The following PIK3R4 variants were observed in gnomAD, a reference collection of about 807,000 sequenced individuals.
PIK3R4 encodes the protein phosphoinositide 3-kinase regulatory subunit 4.
PIK3R4 carries 46 observed loss-of-function variants against 136.5 expected under a neutral mutation model. The ratio of observed to expected loss-of-function variants is 0.34; its 90% CI spans 0.27 to 0.43. PIK3R4 has a LOEUF of 0.43. Ranked by LOEUF, PIK3R4 falls within the 20% of genes least tolerant of loss-of-function variation. PIK3R4 has a pLI of 1.00. For synonymous variants in PIK3R4, 557 were observed against 566.7 expected (o/e 0.98, Z 0.24); for missense variants, 1,331 against 1,649.5 (o/e 0.81, Z 3.35).
rs147350320 is a variant in PIK3R4, at chr3:130,690,650, T to G, written c.3103A>C (p.Ile1035Leu). 28 of 1,585,388 alleles carry G rather than the reference T, an allele frequency of 1.8e-5. No homozygotes were observed. Among genetic ancestry groups the G allele is most frequent in the Non-Finnish European group, 8.6e-7 (1 of 1,161,870 alleles). Residue 1035 changes from isoleucine (I) to leucine (L), a missense_variant, in exon 14 of 20, where the codon ATT becomes CTT. Around this residue, in one of 2 missense-constraint regions of PIK3R4, gnomAD observed 1,180 missense variants for 1,407.0 expected, o/e 0.84. Coordinates refer to ENST00000356763, the MANE Select transcript of PIK3R4 (RefSeq NM_014602.3). ...MEGKTTTTRS[I>L]LTYSRIGGRV... is the part of the protein sequence containing the mutation. ...CCTCCAATTCGGCTGTATGTAAGAA[T>G]AGATCTGAATGAAAGAAAAATAAAA...
rs2107607175 is a variant in PIK3R4 at position 130,703,854 on chromosome 3, A to T, written c.2967T>A (p.Leu989=). 6.2e-7 allele frequency: 1 copy of T among 1,612,628 alleles called. No individual in the cohort carries two copies. The highest frequency in any genetic ancestry group is 2.2e-5 in the East Asian group (1 of 44,826). ...WRPKGLLVAH[L]HEHKSAVNRI... is the part of the protein sequence containing the mutation. ...GATTCACAGCAGATTTATGCTCATG[A>T]AGATGGGCAACTAACAGCCCTTTAG... Residue 989 remains leucine (L), a synonymous_variant, in exon 13 of 20, where the codon CTT becomes CTA. Coordinates refer to ENST00000356763, the MANE Select transcript of PIK3R4 (RefSeq NM_014602.3).
rs116828977 is a variant in PIK3R4 at position 130,704,378 on chromosome 3, A to G, written c.2933-490T>C. Among the ~76,000 whole-genome samples, 130 of 152,330 alleles carry G rather than the reference A, an allele frequency of 8.5e-4. 1 individual carries two copies. Among genetic ancestry groups the G allele is most frequent in the Non-Finnish European group, 1.6e-3 (109 of 68,018 alleles). On this transcript the variant is annotated intron_variant, in intron 12 of 19. Coordinates refer to ENST00000356763, the MANE Select transcript of PIK3R4 (RefSeq NM_014602.3). The stretch of plus-strand genomic sequence containing the variant: ...TATCACAAAAACCGTTTGAACATTA[A>G]ACAATTCCAAAATATTTATTTTGAT...
chr3:130,719,512 T>C (rs1047023805), intron 7 of PIK3R4, among the ~76,000 whole-genome samples: 1 of 152,186 alleles, frequency 6.6e-6, no homozygotes, highest in Non-Finnish European at 1.5e-5. Context: ...ATTCTTCTAA[T>C]TATAAATGAA....
chr3:130,704,903 T>C (rs950873810), intron 12 of PIK3R4, among the ~76,000 whole-genome samples: 1 of 152,174 alleles, frequency 6.6e-6, no homozygotes, highest in Non-Finnish European at 1.5e-5. Context: ...TAATCTCAGC[T>C]CACTGCAACC....
chr3:130,719,289 T>C lies in PIK3R4; in HGVS notation c.1982-755A>G, dbSNP rs549861218. On this transcript the variant is annotated intron_variant, in intron 7 of 19. Transcript: ENST00000356763. ...TGATTTAGAATAAAATCCAAACTTT[T>C]AAAGGCAAGAAAAATTGTATTAGCT... Among the ~76,000 whole-genome samples, 5 of 152,272 alleles carry C rather than the reference T, an allele frequency of 3.3e-5. No homozygotes were observed. In the East Asian group the frequency reaches 9.6e-4, roughly 29 times the overall value.
chr3:130,718,441 T>C lies in PIK3R4; in HGVS notation c.2075A>G (p.Tyr692Cys), dbSNP rs764560178. 6.2e-7 allele frequency: 1 copy of C among 1,612,990 alleles called. No individual in the cohort carries two copies. Among genetic ancestry groups the C allele is most frequent in the East Asian group, 2.2e-5 (1 of 44,866 alleles). Residue 692 changes from tyrosine (Y) to cysteine (C), a missense_variant, in exon 8 of 20, where the codon TAC becomes TGC. Tyr to Cys is a radical substitution (Grantham distance 194). Coordinates refer to ENST00000356763, the MANE Select transcript of PIK3R4 (RefSeq NM_014602.3). Reference sequence around the variant, plus strand: ...GTCAAGATAAGGCATCAGTTTACAGTAGACATCAGCTGTACTTATTTGACG... The same window carrying C: ...GTCAAGATAAGGCATCAGTTTACAGCAGACATCAGCTGTACTTATTTGACG... ...VARQISTADV[Y>C]CKLMPYLDPY...
chr3:130,736,366 C>T (rs765515954), intron 2 of PIK3R4, among the ~76,000 whole-genome samples: 2 of 152,068 alleles, frequency 1.3e-5, no homozygotes, highest in Admixed American at 6.6e-5. Context: ...GTCAGGAGTT[C>T]GAGACCAGCC....
intron 6 of PIK3R4, among the ~76,000 whole-genome samples, chr3:130,724,370 A>T (rs748507112): frequency 4.6e-5 from 7 of 152,176 alleles, no homozygotes; most frequent in Non-Finnish European, 8.8e-5. Context: ...TGCTATAAAC[A>T]TACTCAAATG....
At chr3:130,690,434 T>G in intron 14 of PIK3R4, 56 bp downstream of exon 14, 2 of 1,236,712 alleles carry the variant, frequency 1.6e-6, no homozygotes, top group Non-Finnish European at 2.2e-6. Flanking sequence ...GAAAGGAGAC[T>G]TAAGGTACTG....
At position 130,716,437 on chromosome 3, in the gene PIK3R4, C is replaced by T. The variant is rs2066665078; in HGVS notation, c.2290G>A (p.Asp764Asn). 6 of 1,614,078 alleles carry T rather than the reference C, an allele frequency of 3.7e-6. No homozygotes were observed. The highest frequency in any genetic ancestry group is 5.1e-6 in the Non-Finnish European group (6 of 1,180,034). ...TTCAGAAGCTGTGCTATGGCAGGAT[C>T]CTCTGGCGGAGGGCAGTCGGGAAGA... ...GSLPDCPPPE[D>N]PAIAQLLKKL... Residue 764 changes from aspartate to asparagine, a missense_variant, in exon 9 of 20, where the codon GAT becomes AAT. Asp to Asn is a conservative substitution (Grantham distance 23). Coordinates refer to ENST00000356763, the MANE Select transcript of PIK3R4 (RefSeq NM_014602.3).
Position 130,679,160 on chromosome 3 carries a change from C to A in PIK3R4, c.*155G>T, listed in dbSNP as rs1366668721. 3 of 423,394 alleles carry A rather than the reference C, an allele frequency of 7.1e-6. No individual in the cohort carries two copies. Among genetic ancestry groups the A allele is most frequent in the East Asian group, 3.7e-5 (1 of 27,104 alleles). 26.2% of individuals were successfully genotyped at this position (423,394 alleles called of 1,614,324 possible). A position where few individuals can be genotyped will look rare whatever the true frequency, so the allele number is the denominator to read the frequency against. On this transcript the variant is annotated 3_prime_UTR_variant, in exon 20 of 20. Coordinates refer to ENST00000356763, the MANE Select transcript of PIK3R4 (RefSeq NM_014602.3). ...AGTAAACTAGTCAAGTACATCTTAA[C>A]CATTTTGGGTGTCATTTAGTCAGTC...
intron 15 of PIK3R4, among the ~76,000 whole-genome samples, chr3:130,684,917 CA>C (rs1036659813): frequency 1.3e-5 from 2 of 151,066 alleles, no homozygotes; most frequent in East Asian, 1.9e-4. Flanking sequence ...ACACAAAAGG[CA>C]AAAAAAATGC....
rs370500216 is a variant in PIK3R4, at chr3:130,708,385, A to G, written c.2439T>C (p.Ser813=). The G allele has an allele frequency of 6.2e-6, 10 of 1,613,638 alleles. No individual in the cohort carries two copies. The South Asian group carries it at 7.7e-5, about 12-fold the overall frequency. ...NIVDQSHLHD[S]SQKGVIDLAA... ...CCAAGTCAATTACACCTTTCTGACTACTATCATGAAGATGGCTCTGGTCCA... is the reference window on the plus strand; with the variant it reads ...CCAAGTCAATTACACCTTTCTGACTGCTATCATGAAGATGGCTCTGGTCCA... The change falls in exon 10 of 20, where the codon AGT becomes AGC. Residue 813 remains serine (S), a synonymous_variant. Transcript: ENST00000356763.
At chr3:130,682,023 G>A (rs2066461749) in intron 16 of PIK3R4, among the ~76,000 whole-genome samples, 1 of 152,162 alleles carries the variant, frequency 6.6e-6, no homozygotes, top group Admixed American at 6.5e-5. Flanking sequence ...TGACCTGAAT[G>A]AACCACATCA....
At chr3:130,682,827 G>T (rs62280689) in intron 16 of PIK3R4, among the ~76,000 whole-genome samples, 2 of 152,218 alleles carry the variant, frequency 1.3e-5, no homozygotes, top group Admixed American at 6.5e-5. Context: ...AGAATTGTAG[G>T]TGATAAGGGT....
At chr3:130,701,812 G>C (rs2066576463) in intron 13 of PIK3R4, among the ~76,000 whole-genome samples, 1 of 151,926 alleles carries the variant, frequency 6.6e-6, no homozygotes, top group Non-Finnish European at 1.5e-5. Flanking sequence ...GGCACATACT[G>C]ATGTCTGTAT....
At chr3:130,735,802 G>T (rs2066782778) in intron 3 of PIK3R4, 67 bp downstream of exon 3, 4 of 1,418,912 alleles carry the variant, frequency 2.8e-6, no homozygotes, top group Non-Finnish European at 3.8e-6. Flanking sequence ...CCAGAAATCT[G>T]ATTAAAGCAA....
At chr3:130,735,809 G>A (rs2066782820) in intron 3 of PIK3R4, 60 bp downstream of exon 3, 6 of 1,469,022 alleles carry the variant, frequency 4.1e-6, no homozygotes, top group Non-Finnish European at 3.7e-6. Context: ...TCTGATTAAA[G>A]CAAAAGTGGG....
rs1201626179 is a variant in PIK3R4, at chr3:130,679,084, A to G, written c.*231T>C. 3.4e-6 allele frequency: 1 copy of G among 295,356 alleles called. No homozygotes were observed. The highest frequency in any genetic ancestry group is 6.2e-6 in the Non-Finnish European group (1 of 160,986). The allele number at this position is 295,356 out of a possible 1,614,324, so 18.3% of individuals were successfully genotyped here. The stretch of plus-strand genomic sequence containing the variant: ...ATTTCTCACCTCTATAACATATACA[A>G]TAAAAATCCCAGACATTGTTGGCTG... On this transcript the variant is annotated 3_prime_UTR_variant, in exon 20 of 20. Coordinates refer to ENST00000356763, the MANE Select transcript of PIK3R4 (RefSeq NM_014602.3).
Sources: allele counts gnomAD v4.1 joint callset (sites outside exome capture counted in the v4.1 genomes callset), GRCh38; gene constraint gnomAD v4.1.1; regional missense constraint gnomAD v4.1.1; transcripts MANE v1.5; gene names NCBI Gene and HGNC (gene_info 2026-07-23, HGNC 2026-07-21).